Variants in CDH4 observed in about 807,000 individuals in gnomAD.
CDH4 encodes cadherin 4.
CDH4 carries 33 observed loss-of-function variants against 86.0 expected under a neutral mutation model. The ratio of observed to expected loss-of-function variants is 0.38; its 90% CI spans 0.29 to 0.51. CDH4 has a LOEUF of 0.51. CDH4 is among the 20% of genes least tolerant of loss of function. The pLI, the probability that CDH4 is intolerant of heterozygous loss-of-function variation, is 0.86. For missense variants in CDH4, 1,114 were observed against 1,307.4 expected (o/e 0.85, Z 2.28); for synonymous variants, 555 against 549.4 (o/e 1.01, Z -0.14).
chr20:61,560,133 G>A (rs958166078), intron 2 of CDH4, among the ~76,000 whole-genome samples: 22 of 152,192 alleles, frequency 1.4e-4, no homozygotes, highest in African/African-American at 5.1e-4. Flanking sequence ...GGAGACAAAG[G>A]AAGACCCCCT....
Position 61,252,322 on chromosome 20 carries a change from G to A in CDH4, c.-192G>A, listed in dbSNP as rs867920303. 6.2e-3 allele frequency: 932 copies of A among 150,568 alleles called. 3 individuals carry two copies. The highest frequency in any genetic ancestry group is 0.01 in the Middle Eastern group (3 of 300). 9.3% of individuals were successfully genotyped at this position (150,568 alleles called of 1,614,324 possible). A position where few individuals can be genotyped will look rare whatever the true frequency, so the allele number is the denominator to read the frequency against. ...GGCCCGAGGGAACGCGCCGCCGGCC[G>A]GACTTGGCCTGGCTCCCGGAGCCGG... is the stretch of plus-strand genomic sequence containing the variant. On this transcript the variant is annotated 5_prime_UTR_variant, in exon 1 of 16. Coordinates refer to ENST00000614565, the MANE Select transcript of CDH4 (RefSeq NM_001794.5). The surrounding 1 kb of genome is among the most constrained non-coding windows in gnomAD (Gnocchi z 4.4).
At position 61,516,389 on chromosome 20, in the gene CDH4, G is replaced by A. The variant is rs1168830986; in HGVS notation, c.170-227174G>A. On this transcript the variant is annotated intron_variant, in intron 2 of 15. Coordinates refer to ENST00000614565, the MANE Select transcript of CDH4 (RefSeq NM_001794.5). The surrounding 1 kb of genome is among the most constrained non-coding windows in gnomAD (Gnocchi z 4.0). ...CACACATACAGAGCCCCCGTCGGAC[G>A]CTGCATGAGCTCATGTGCATCACCT... Among the ~76,000 whole-genome samples, 1 of 152,118 alleles carries A rather than the reference G, an allele frequency of 6.6e-6. No individual in the cohort carries two copies. The highest frequency in any genetic ancestry group is 1.9e-4 in the East Asian group (1 of 5,178).
rs552130843 is a variant in CDH4 at position 61,886,688 on chromosome 20, A to G, written c.1051-8222A>G. 2.2e-4 allele frequency among the ~76,000 whole-genome samples: 33 copies of G among 152,258 alleles called. No individual in the cohort carries two copies. In the East Asian group the frequency reaches 5.2e-3, roughly 24 times the overall value. ...GAGTCCTGGGTCATCTGTTTGTCCT[A>G]TGAGGGCTGGGAGACACTTGCTGGC... On this transcript the variant is annotated intron_variant, in intron 7 of 15. Transcript: ENST00000614565.
chr20:61,482,580 G>A (rs1301466279), intron 2 of CDH4, among the ~76,000 whole-genome samples: 2 of 152,166 alleles, frequency 1.3e-5, no homozygotes, highest in Admixed American at 1.3e-4. Flanking sequence ...GGCTGGGACT[G>A]GTTTTTTGCC....
chr20:61,762,002 A>C (rs2088639803), intron 3 of CDH4, among the ~76,000 whole-genome samples: 1 of 152,212 alleles, frequency 6.6e-6, no homozygotes, highest in African/African-American at 2.4e-5. Flanking sequence ...GAAAAGCTGC[A>C]ATGCTTTGCC....
rs2055217859 is a variant in CDH4 at position 61,938,109 on chromosome 20, C to T, written c.*1166C>T. 1 of 152,374 alleles carries T rather than the reference C, an allele frequency of 6.6e-6. No homozygotes were observed. Among genetic ancestry groups the T allele is most frequent in the Admixed American group, 6.5e-5 (1 of 15,286 alleles). 9.4% of individuals were successfully genotyped at this position (152,374 alleles called of 1,614,324 possible). On this transcript the variant is annotated 3_prime_UTR_variant, in exon 16 of 16. Transcript: ENST00000614565. ...CTGTGTGGGTGGCAGGAGGCCCCGT[C>T]TTGCCGTGCCTACCTGTCGCACAGA...
intron 2 of CDH4, among the ~76,000 whole-genome samples, chr20:61,297,099 G>A (rs1418387582): frequency 6.6e-6 from 1 of 152,170 alleles, no homozygotes; most frequent in Non-Finnish European, 1.5e-5. Context: ...CTTAAAAAGT[G>A]TGGAGGCAAG....
intron 2 of CDH4, among the ~76,000 whole-genome samples, chr20:61,574,010 C>G (rs2145709767): frequency 6.6e-6 from 1 of 152,252 alleles, no homozygotes. Flanking sequence ...CCTGTGAGGG[C>G]CCCAGAAGCC....
chr20:61,256,853 C>T (rs2084101013), intron 2 of CDH4, among the ~76,000 whole-genome samples: 2 of 152,182 alleles, frequency 1.3e-5, no homozygotes, highest in Admixed American at 6.5e-5. Context: ...CTGTTTTCTT[C>T]CACTCGTTCT....
chr20:61,786,129 G>T (rs2386939), intron 4 of CDH4, among the ~76,000 whole-genome samples: 2 of 151,946 alleles, frequency 1.3e-5, no homozygotes, highest in East Asian at 3.9e-4. Flanking sequence ...GCCCTCCGGG[G>T]AAACAAGGAC....
At chr20:61,509,131 C>T (rs746744469) in intron 2 of CDH4, among the ~76,000 whole-genome samples, 10 of 152,082 alleles carry the variant, frequency 6.6e-5, no homozygotes, top group Non-Finnish European at 1.3e-4. Context: ...GCACAAAGGC[C>T]GTGGCATCCT....
chr20:61,899,643 G>T (rs1169453342), intron 8 of CDH4, among the ~76,000 whole-genome samples: 2 of 152,126 alleles, frequency 1.3e-5, no homozygotes, highest in Non-Finnish European at 2.9e-5. Context: ...TAGCCAGGAT[G>T]GTCTTGATCT....
At chr20:61,271,836 C>A (rs1328762343) in intron 2 of CDH4, among the ~76,000 whole-genome samples, 1 of 152,136 alleles carries the variant, frequency 6.6e-6, no homozygotes, top group Non-Finnish European at 1.5e-5. Flanking sequence ...CTGAGCTCTC[C>A]CCTCAACGTG....
Position 61,920,650 on chromosome 20 carries a change from C to T in CDH4, c.1375-2801C>T, listed in dbSNP as rs890410173. ...TGGTGTCACAGTGATTGCATGGAAG[C>T]GTGGTGTCACAGTGACTGCATGGAA... On this transcript the variant is annotated intron_variant, in intron 9 of 15. Transcript: ENST00000614565. 4.8e-5 allele frequency among the ~76,000 whole-genome samples: 7 copies of T among 145,592 alleles called. No individual in the cohort carries two copies. In the East Asian group the frequency reaches 1.0e-3, roughly 22 times the overall value.
At chr20:61,755,352 G>C (rs1178804455) in intron 3 of CDH4, among the ~76,000 whole-genome samples, 1 of 135,788 alleles carries the variant, frequency 7.4e-6, no homozygotes. Context: ...CACACACATA[G>C]TGCATGCCAC....
At chr20:61,714,201 C>A (rs1473520836) in intron 2 of CDH4, among the ~76,000 whole-genome samples, 1 of 151,964 alleles carries the variant, frequency 6.6e-6, no homozygotes, top group Non-Finnish European at 1.5e-5. Context: ...CATCCGCCAC[C>A]ACGCCTGGCT....
chr20:61,767,058 G>T (rs1450740835), intron 3 of CDH4, among the ~76,000 whole-genome samples: 1 of 152,222 alleles, frequency 6.6e-6, no homozygotes, highest in Non-Finnish European at 1.5e-5. Flanking sequence ...CATCCCTTGA[G>T]CTTGATGTCC....
At chr20:61,793,954 C>A (rs142527311) in intron 4 of CDH4, among the ~76,000 whole-genome samples, 3 of 146,774 alleles carry the variant, frequency 2.0e-5, no homozygotes, top group African/African-American at 7.7e-5. Context: ...CTGACTAACA[C>A]GGTGAAACCT....
At chr20:61,539,713 TGGCTTGG>T (rs1375783420) in intron 2 of CDH4, among the ~76,000 whole-genome samples, 2 of 152,210 alleles carry the variant, frequency 1.3e-5, no homozygotes, top group Admixed American at 1.3e-4. Context: ...CGCCAAGCAT[TGGCTTGG>T]GGCTCCTGGT....
Sources: allele counts gnomAD v4.1 joint callset (sites outside exome capture counted in the v4.1 genomes callset), GRCh38; gene constraint gnomAD v4.1.1; non-coding constraint Gnocchi (gnomAD v3.1); transcripts MANE v1.5; gene names NCBI Gene and HGNC (gene_info 2026-07-23, HGNC 2026-07-21).